CD109: variants seen among roughly 807,000 people sequenced by gnomAD.
The protein encoded by CD109 is CD109 molecule, also known as CD109 antigen.
In CD109, 149 loss-of-function variants were observed where a neutral mutation model predicts 165.8. That is an observed-to-expected ratio of 0.90 (90% CI 0.79 to 1.03). CD109 has a LOEUF of 1.03. Ranked by LOEUF, CD109 falls within the 50% of genes least tolerant of loss-of-function variation. CD109 has a pLI of 0.00. For missense variants in CD109, 1,712 were observed against 1,677.8 expected (o/e 1.02, Z -0.36); for synonymous variants, 585 against 592.1 (o/e 0.99, Z 0.18).
At chr6:73,700,172 C>A (rs9446984) in intron 2 of CD109, among the ~76,000 whole-genome samples, 7,333 of 152,176 alleles carry the variant, frequency 0.048, 208 homozygotes, top group East Asian at 0.13. Context: ...ACTTGGAATT[C>A]TTGGGCTCAA....
At chr6:73,785,947 T>G (rs970930940) in intron 20 of CD109, among the ~76,000 whole-genome samples, 6 of 151,210 alleles carry the variant, frequency 4.0e-5, no homozygotes, top group Non-Finnish European at 8.8e-5. Context: ...CAGGTTCAAG[T>G]GATTCTCCTG....
rs763116036 is a variant in CD109 at position 73,756,658 on chromosome 6, C to T, written c.649C>T (p.Gln217Ter). Residue 217 changes from glutamine (Q) to a stop codon, truncating the protein, a stop_gained, in exon 6 of 33, where the codon CAA (glutamine) becomes TAA (stop). Coordinates refer to ENST00000287097, the MANE Select transcript of CD109 (RefSeq NM_133493.5). LOFTEE classifies it high-confidence loss of function. ...QVQVNDQTYY[Q>*]SFQVSEYVLP... is the part of the protein sequence containing the mutation. ...TGCCCAATAGGACCAGACATACTATCAATCATTTCAGGTTTCAGAATATGG... is the reference window on the plus strand; with the variant it reads ...TGCCCAATAGGACCAGACATACTATTAATCATTTCAGGTTTCAGAATATGG... 6.5e-7 allele frequency: 1 copy of T among 1,543,852 alleles called. No individual in the cohort carries two copies. Among genetic ancestry groups the T allele is most frequent in the South Asian group, 1.2e-5 (1 of 80,672 alleles).
intron 30 of CD109, among the ~76,000 whole-genome samples, chr6:73,817,146 A>C (rs923922630): frequency 6.6e-6 from 1 of 152,178 alleles, no homozygotes; most frequent in Admixed American, 6.6e-5. Flanking sequence ...CAGACACTTT[A>C]TTCCTATCAA....
intron 21 of CD109, among the ~76,000 whole-genome samples, chr6:73,788,009 C>T (rs192929385): frequency 6.6e-6 from 1 of 152,224 alleles, no homozygotes; most frequent in Non-Finnish European, 1.5e-5. Context: ...TCTTCTTTGT[C>T]ATTTTCAAGG....
intron 4 of CD109, among the ~76,000 whole-genome samples, chr6:73,731,996 G>A (rs928996294): frequency 2.0e-5 from 3 of 152,198 alleles, no homozygotes; most frequent in Non-Finnish European, 4.4e-5. Context: ...GTGCTTTCCT[G>A]TGAGAATCAA....
the CD109 span, among the ~76,000 whole-genome samples, chr6:73,681,633 G>A: frequency 4.6e-5 from 7 of 151,102 alleles, no homozygotes; most frequent in Non-Finnish European, 7.4e-5. Context: ...ATGGAGTTTC[G>A]CTTTTGTCAC....
intron 24 of CD109, 128 bp downstream of exon 24, chr6:73,803,429 G>T: frequency 5.0e-6 from 3 of 605,386 alleles, no homozygotes; most frequent in South Asian, 4.1e-5. Context: ...TCCTTAGTCT[G>T]GCTTTAAAAA....
chr6:73,761,557 C>G (rs1223620080), intron 7 of CD109, among the ~76,000 whole-genome samples: 3 of 152,180 alleles, frequency 2.0e-5, no homozygotes, highest in Non-Finnish European at 4.4e-5. Context: ...GAGTCTCACT[C>G]TGTTGCCCAG....
chr6:73,722,974 C>T (rs9446998), intron 2 of CD109, among the ~76,000 whole-genome samples: 6,546 of 152,270 alleles, frequency 0.043, 490 homozygotes, highest in African/African-American at 0.15. Context: ...GCAGCAACAA[C>T]GACAACAAAA....
chr6:73,783,357 A>C (rs956522122), intron 18 of CD109, among the ~76,000 whole-genome samples: 2 of 152,272 alleles, frequency 1.3e-5, no homozygotes, highest in African/African-American at 4.8e-5. Flanking sequence ...ATACAGAGAA[A>C]AACTTCTGCA....
At chr6:73,717,611 CTTTTTTTTTTTT>C (rs779915655) in intron 2 of CD109, among the ~76,000 whole-genome samples, 47 of 74,810 alleles carry the variant, frequency 6.3e-4, no homozygotes, top group Non-Finnish European at 1.1e-3. Context: ...TCTACTGATT[CTTTTTTTTTTTT>C]TTTTTTTTTT....
intron 2 of CD109, among the ~76,000 whole-genome samples, chr6:73,711,252 T>G (rs972317046): frequency 2.0e-4 from 30 of 152,210 alleles, no homozygotes; most frequent in African/African-American, 7.2e-4. Context: ...CCTGCTTTTT[T>G]TTTTACTCAA....
rs947272307 is a variant in CD109, at chr6:73,762,573, G to A, written c.855+93G>A. The A allele has an allele frequency of 1.3e-5, 13 of 1,030,992 alleles. No homozygotes were observed. In the Admixed American group the frequency reaches 1.8e-4, roughly 14 times the overall value. The allele number at this position is 1,030,992 out of a possible 1,614,324, so 63.9% of individuals were successfully genotyped here. A position where few individuals can be genotyped will look rare whatever the true frequency, so the allele number is the denominator to read the frequency against. On this transcript the variant is annotated intron_variant, in intron 8 of 32. Coordinates refer to ENST00000287097, the MANE Select transcript of CD109 (RefSeq NM_133493.5). ...TAGTACTGAATTAACAAAAAGTTAA[G>A]TGTAAGAAAATCAAGAGCTTTCCAG...
intron 2 of CD109, among the ~76,000 whole-genome samples, chr6:73,704,356 C>T (rs902650415): frequency 2.0e-5 from 3 of 152,084 alleles, no homozygotes; most frequent in African/African-American, 4.8e-5. Flanking sequence ...TGATTCATGG[C>T]GGCGGAGGGA....
At chr6:73,696,171 G>T, upstream of CD109, 2 of 1,533,806 alleles carry the variant, frequency 1.3e-6, no homozygotes, top group South Asian at 2.4e-5. Context: ...CGGTGCCCGC[G>T]AACTTCCCCG....
At chr6:73,775,503 C>A (rs573807795) in intron 15 of CD109, among the ~76,000 whole-genome samples, 3 of 152,176 alleles carry the variant, frequency 2.0e-5, no homozygotes, top group African/African-American at 7.2e-5. Flanking sequence ...CTGTAACCAT[C>A]ATTTGTTTAT....
intron 15 of CD109, among the ~76,000 whole-genome samples, chr6:73,774,456 C>G (rs946395360): frequency 6.6e-6 from 1 of 152,138 alleles, no homozygotes; most frequent in African/African-American, 2.4e-5. Context: ...AAGAGAAGGT[C>G]TCCTGAGGTT....
chr6:73,704,886 G>A (rs754053724), intron 2 of CD109, among the ~76,000 whole-genome samples: 55 of 152,216 alleles, frequency 3.6e-4, no homozygotes, highest in Middle Eastern at 3.4e-3. Flanking sequence ...AATACAATGC[G>A]GTTTGTAAAT....
chr6:73,800,102 C>T (rs1364377465), intron 23 of CD109, among the ~76,000 whole-genome samples: 5 of 152,088 alleles, frequency 3.3e-5, no homozygotes, highest in Admixed American at 2.0e-4. Flanking sequence ...GTGATCCACT[C>T]GCCTTGGCCT....
Sources: gnomAD v4.1 joint callset for allele counts (sites outside exome capture counted in the v4.1 genomes callset) on GRCh38, gnomAD v4.1.1 for gene constraint, MANE v1.5 for transcripts, NCBI Gene and HGNC (gene_info 2026-07-23, HGNC 2026-07-21) for gene names.